The following RASAL1 variants were observed in gnomAD, a reference collection of about 807,000 sequenced individuals.
RASAL1 encodes the protein rasGAP-activating-like protein 1.
A neutral mutation model predicts 96.6 loss-of-function variants in RASAL1; 72 were observed. That is an observed-to-expected ratio of 0.75 (90% confidence interval 0.62 to 0.91). RASAL1 has a LOEUF of 0.91. RASAL1 is among the 40% of genes least tolerant of loss of function. The pLI is 0.00. For missense variants in RASAL1, 1,016 were observed against 1,072.5 expected, an observed-to-expected ratio of 0.95 and a Z score of 0.74; for synonymous variants, 405 against 430.4, an observed-to-expected ratio of 0.94 and a Z score of 0.73.
At chr12:113,102,653 T>C (rs866524839) in intron 18 of RASAL1, among the ~76,000 whole-genome samples, 2 of 151,984 alleles carry the variant, frequency 1.3e-5, no homozygotes, top group East Asian at 1.9e-4. Flanking sequence ...GCCCAGGAGT[T>C]TGAGGCTGCA....
Position 113,115,220 on chromosome 12 carries a change from A to C in RASAL1, c.1048T>G (p.Ser350Ala). Residue 350 changes from serine (S) to alanine (A), a missense_variant, in exon 11 of 21, where the codon TCG becomes GCG. Coordinates refer to ENST00000548055, the MANE Select transcript of RASAL1 (RefSeq NM_001301202.2). The surrounding 1 kb of genome is among the most constrained non-coding windows in gnomAD (Gnocchi z 4.1). ...CTCACCTTCATAAACTGTTCCATCGACTTGGATGCCAGGGAGTTAGAACGG... is the reference window on the plus strand; with the variant it reads ...CTCACCTTCATAAACTGTTCCATCGCCTTGGATGCCAGGGAGTTAGAACGG... ...LFRSNSLASK[S>A]MEQFMKLVGM... 1 of 1,613,842 alleles carries C rather than the reference A, an allele frequency of 6.2e-7. No individual in the cohort carries two copies. The highest frequency in any genetic ancestry group is 8.5e-7 in the Non-Finnish European group (1 of 1,179,760).
Position 113,130,289 on chromosome 12 carries a change from C to T in RASAL1, c.122+596G>A, listed in dbSNP as rs892641588. Among the ~76,000 whole-genome samples, 5 of 152,220 alleles carry T rather than the reference C, an allele frequency of 3.3e-5. No individual in the cohort carries two copies. The highest frequency in any genetic ancestry group is 2.0e-4 in the Admixed American group (3 of 15,292). On this transcript the variant is annotated intron_variant, in intron 2 of 20. Coordinates refer to ENST00000548055, the MANE Select transcript of RASAL1 (RefSeq NM_001301202.2). The surrounding 1 kb of genome is among the most constrained non-coding windows in gnomAD (Gnocchi z 5.1). ...CTCACACCTTCACATGTGTCCACAC[C>T]GGTGCCTTTGTGACCAAATCAGCTG...
At position 113,105,787 on chromosome 12, in the gene RASAL1, C is replaced by T. The variant is rs760009413; in HGVS notation, c.1757G>A (p.Arg586His). The change falls in exon 16 of 21, where the codon CGC becomes CAC. Residue 586 changes from arginine to histidine, a missense_variant. By Grantham distance (29) the Arg-to-His change is conservative. Coordinates refer to ENST00000548055, the MANE Select transcript of RASAL1 (RefSeq NM_001301202.2). ...GACGTAGCGCTTCTTGAAGGCAAAG[C>T]GCGTGGCCAGGCCGGCAGGCTCCTC... ...RKEEPAGLAT[R>H]FAFKKRYVWL... 1.7e-5 allele frequency: 28 copies of T among 1,614,042 alleles called. 1 individual carries two copies. Among genetic ancestry groups the T allele is most frequent in the East Asian group, 4.5e-5 (2 of 44,894 alleles).
chr12:113,115,788 C>G lies in RASAL1; in HGVS notation c.850G>C (p.Glu284Gln), dbSNP rs757566324. 2 of 1,614,036 alleles carry G rather than the reference C, an allele frequency of 1.2e-6. No homozygotes were observed. The highest frequency in any genetic ancestry group is 1.7e-6 in the Non-Finnish European group (2 of 1,179,958). The change falls in exon 10 of 21, where the codon GAG (glutamate) becomes CAG (glutamine). Residue 284 changes from glutamate (E) to glutamine (Q), a missense_variant and splice_region_variant. Transcript: ENST00000548055. The surrounding 1 kb of genome is among the most constrained non-coding windows in gnomAD (Gnocchi z 4.1). ...LMESVQGPAEEDTASPLALLE... is the reference protein window; with the variant it reads ...LMESVQGPAEQDTASPLALLE... ...AAAGCCAAGGGGCTAGCAGTGTCCTCCTGGGTGGGGGCGGGAGACAAAGAT... is the reference window on the plus strand; with the variant it reads ...AAAGCCAAGGGGCTAGCAGTGTCCTGCTGGGTGGGGGCGGGAGACAAAGAT...
intron 16 of RASAL1, among the ~76,000 whole-genome samples, chr12:113,105,200 A>G (rs535249832): frequency 1.3e-4 from 20 of 152,266 alleles, no homozygotes; most frequent in Non-Finnish European, 2.8e-4. Flanking sequence ...CATGAACGCC[A>G]GCCCCACAAG....
upstream of RASAL1, chr12:113,135,815 T>A: frequency 4.7e-6 from 1 of 211,148 alleles, no homozygotes. The surrounding 1 kb of genome is among the most constrained non-coding windows in gnomAD (Gnocchi z 5.7). Context: ...CCGCCTCCAA[T>A]GGGGTCCCCC....
At chr12:113,125,091 G>T (rs1951432122) in intron 4 of RASAL1, among the ~76,000 whole-genome samples, 1 of 143,852 alleles carries the variant, frequency 7.0e-6, no homozygotes, top group African/African-American at 2.7e-5. Flanking sequence ...GTGAGAACTT[G>T]TCTCTTAAAA....
chr12:113,123,201 C>A (rs1453757528), intron 4 of RASAL1, among the ~76,000 whole-genome samples: 1 of 152,088 alleles, frequency 6.6e-6, no homozygotes, highest in African/African-American at 2.4e-5. Flanking sequence ...TTTTAAAAAT[C>A]CCGTATATTA....
At chr12:113,122,256 A>T (rs1313527368) in intron 4 of RASAL1, among the ~76,000 whole-genome samples, 1 of 152,158 alleles carries the variant, frequency 6.6e-6, no homozygotes, top group Non-Finnish European at 1.5e-5. Flanking sequence ...GAACTTCATC[A>T]TGTAATCCCA....
At chr12:113,114,749 G>A (rs771861456) in intron 12 of RASAL1, 51 bp downstream of exon 12, 29 of 1,502,844 alleles carry the variant, frequency 1.9e-5, no homozygotes, top group African/African-American at 6.9e-5. Context: ...ACAAGGCTCC[G>A]GGTAGCCAAA....
chr12:113,127,968 G>T, intron 3 of RASAL1, 95 bp from the exon 4 acceptor site: 1 of 1,542,040 alleles, frequency 6.5e-7, no homozygotes, highest in Non-Finnish European at 8.9e-7. Flanking sequence ...GGGTGGGAGG[G>T]CACACCCTCG....
At chr12:113,104,319 T>G in intron 16 of RASAL1, 21 bp from the exon 17 acceptor site, 1 of 1,540,636 alleles carries the variant, frequency 6.5e-7, no homozygotes, top group Non-Finnish European at 8.8e-7. Context: ...GGATTGTCGC[T>G]GCAGGATGGG....
At chr12:113,119,638 C>T (rs1310277906) in intron 5 of RASAL1, among the ~76,000 whole-genome samples, 195 bp from the exon 6 acceptor site, 1 of 152,164 alleles carries the variant, frequency 6.6e-6, no homozygotes, top group South Asian at 2.1e-4. Flanking sequence ...TATGGGGAGG[C>T]ACTTGTATAT....
rs1951036608 is a variant in RASAL1 at position 113,115,376 on chromosome 12, C to A, written c.1004-112G>T. 4.4e-6 allele frequency: 5 copies of A among 1,146,122 alleles called. No homozygotes were observed. Among genetic ancestry groups the A allele is most frequent in the South Asian group, 1.3e-5 (1 of 78,808 alleles). The allele number at this position is 1,146,122 out of a possible 1,614,324, so 71.0% of individuals were successfully genotyped here. A position where few individuals can be genotyped will look rare whatever the true frequency, so the allele number is the denominator to read the frequency against. On this transcript the variant is annotated intron_variant, in intron 10 of 20. Coordinates refer to ENST00000548055, the MANE Select transcript of RASAL1 (RefSeq NM_001301202.2). This position sits in a 1 kb window ranked among gnomAD's most constrained non-coding sequence, Gnocchi z 4.1. ...TCCAGCCCCAAGAATCAGGAAGACC[C>A]AAAACATCAACCCCATTCACAGTAC... is the stretch of plus-strand genomic sequence containing the variant.
intron 4 of RASAL1, among the ~76,000 whole-genome samples, chr12:113,122,638 A>G (rs1951340370): frequency 6.6e-6 from 1 of 151,270 alleles, no homozygotes; most frequent in Admixed American, 6.6e-5. Flanking sequence ...TCTATCTATT[A>G]TAATTCTAAG....
intron 12 of RASAL1, among the ~76,000 whole-genome samples, 177 bp downstream of exon 12, chr12:113,114,623 T>C (rs1226951102): frequency 1.3e-5 from 2 of 152,186 alleles, no homozygotes; most frequent in Admixed American, 1.3e-4. Context: ...ATAACCCCTA[T>C]ACTACACAGC....
chr12:113,107,691 T>G (rs2136127606), intron 14 of RASAL1: 2 of 387,160 alleles, frequency 5.2e-6, no homozygotes, highest in Admixed American at 3.6e-5. Context: ...CCTTCCTCTT[T>G]TTGGAATCTG....
At chr12:113,105,309 G>A (rs12425107) in intron 16 of RASAL1, among the ~76,000 whole-genome samples, 16,893 of 152,340 alleles carry the variant, frequency 0.11, 1,122 homozygotes, top group Middle Eastern at 0.19. Flanking sequence ...ATGAATGAAC[G>A]AGTGAATGAA....
chr12:113,100,768 C>T, intron 19 of RASAL1, 88 bp from the exon 20 acceptor site: 2 of 1,132,540 alleles, frequency 1.8e-6, no homozygotes, highest in Middle Eastern at 2.0e-4. Context: ...AATTAGTTTT[C>T]CTGAACCATC....
Sources: allele counts gnomAD v4.1 joint callset (sites outside exome capture counted in the v4.1 genomes callset), GRCh38; gene constraint gnomAD v4.1.1; non-coding constraint Gnocchi (gnomAD v3.1); transcripts MANE v1.5; gene names NCBI Gene and HGNC (gene_info 2026-07-23, HGNC 2026-07-21).